THADA: variants seen among roughly 807,000 people sequenced by gnomAD.
The protein encoded by THADA is THADA armadillo repeat containing.
Under a neutral mutation model 219.8 loss-of-function variants are expected in THADA, and 213 were observed. The observed-to-expected ratio is 0.97, with a 90% CI of 0.87 to 1.09. The LOEUF (loss-of-function observed/expected upper bound fraction) is 1.09. Ranked by LOEUF, THADA falls within the 50% of genes least tolerant of loss-of-function variation. The pLI is 0.00. For synonymous variants in THADA, 1,018 were observed against 828.9 expected, an observed-to-expected ratio of 1.23 and a Z score of -3.92; for missense variants, 2,956 against 2,311.3, an observed-to-expected ratio of 1.28 and a Z score of -5.72.
intron 31 of THADA, among the ~76,000 whole-genome samples, chr2:43,294,249 T>C (rs1287667650): frequency 1.3e-5 from 2 of 152,258 alleles, no homozygotes; most frequent in Non-Finnish European, 2.9e-5. Context: ...GCTTACTATG[T>C]GCTAGGAGCT....
Position 43,577,054 on chromosome 2 carries a change from A to G in THADA, c.1005T>C (p.Asp335=). The change falls in exon 10 of 38, where the codon GAT becomes GAC. Residue 335 remains aspartate (D), a synonymous_variant. Transcript: ENST00000405975. Reference sequence around the variant, plus strand: ...TCAAGGTGAACAAAACATGTGCAGTATCCAAGAGCAGGGCCTCCCCACTCC... The same window carrying G: ...TCAAGGTGAACAAAACATGTGCAGTGTCCAAGAGCAGGGCCTCCCCACTCC... ...MGRSGEALLL[D]TAHVLFTLSS... is the part of the protein sequence containing the mutation. The G allele has an allele frequency of 2.5e-6, 4 of 1,613,436 alleles. No homozygotes were observed. The highest frequency in any genetic ancestry group is 3.4e-6 in the Non-Finnish European group (4 of 1,179,712).
At chr2:43,455,349 T>C (rs1359142129) in intron 26 of THADA, among the ~76,000 whole-genome samples, 1 of 151,974 alleles carries the variant, frequency 6.6e-6, no homozygotes, top group Non-Finnish European at 1.5e-5. Flanking sequence ...TATTACAGTA[T>C]ACCTGCTTCT....
chr2:43,313,265 G>C (rs965290325), intron 31 of THADA, among the ~76,000 whole-genome samples: 22 of 152,306 alleles, frequency 1.4e-4, no homozygotes, highest in Non-Finnish European at 2.9e-4. Context: ...ATAAATGAGA[G>C]CCTGTCTTCT....
At chr2:43,486,752 G>C (rs889895050) in intron 25 of THADA, 4 of 152,158 alleles carry the variant, frequency 2.6e-5, no homozygotes, top group Non-Finnish European at 5.9e-5. Flanking sequence ...TATAAGTCCA[G>C]TTTTGCCAGA....
chr2:43,497,607 C>T (rs2105056877), intron 25 of THADA, among the ~76,000 whole-genome samples: 1 of 152,314 alleles, frequency 6.6e-6, no homozygotes, highest in East Asian at 1.9e-4. Flanking sequence ...AGATGACAGG[C>T]TGAGCGTTAT....
intron 30 of THADA, among the ~76,000 whole-genome samples, chr2:43,321,628 A>G (rs1678724833): frequency 6.6e-6 from 1 of 152,170 alleles, no homozygotes; most frequent in African/African-American, 2.4e-5. Context: ...TCAGCCTTCC[A>G]CCATGGGATG....
chr2:43,423,558 G>A (rs1031583292), intron 28 of THADA, among the ~76,000 whole-genome samples: 1 of 151,390 alleles, frequency 6.6e-6, no homozygotes, highest in South Asian at 2.1e-4. Context: ...TTAGCCTCTC[G>A]AGTAGCTGGG....
At chr2:43,501,522 C>T (rs1382424190) in intron 24 of THADA, among the ~76,000 whole-genome samples, 1 of 151,948 alleles carries the variant, frequency 6.6e-6, no homozygotes, top group South Asian at 2.1e-4. Context: ...GTTTAACAAG[C>T]TAATTCTAAA....
intron 35 of THADA, among the ~76,000 whole-genome samples, chr2:43,280,943 C>T (rs1054238361): frequency 1.3e-4 from 20 of 152,318 alleles, no homozygotes; most frequent in African/African-American, 4.1e-4. Context: ...CTGTAACTGA[C>T]ACAGAATTCA....
intron 15 of THADA, among the ~76,000 whole-genome samples, chr2:43,560,741 G>C (rs1190903290): frequency 6.6e-6 from 1 of 152,100 alleles, no homozygotes; most frequent in Non-Finnish European, 1.5e-5. Context: ...TTCTGGCCAG[G>C]CTCAGCGGCT....
intron 35 of THADA, among the ~76,000 whole-genome samples, chr2:43,283,780 A>G (rs1673656501): frequency 6.6e-6 from 1 of 152,260 alleles, no homozygotes; most frequent in Non-Finnish European, 1.5e-5. Context: ...TGGAACTTAC[A>G]TTTAAAAGAA....
rs757994832 is a variant in THADA, at chr2:43,574,445, A to T, written c.1620T>A (p.Asp540Glu). 4 of 1,612,950 alleles carry T rather than the reference A, an allele frequency of 2.5e-6. No individual in the cohort carries two copies. In the South Asian group the frequency reaches 4.4e-5, roughly 18 times the overall value. The change falls in exon 11 of 38, where the codon GAT becomes GAA. Residue 540 changes from aspartate (D) to glutamate (E), a missense_variant. Coordinates refer to ENST00000405975, the MANE Select transcript of THADA (RefSeq NM_022065.5). ...LLFILCEGNL[D>E]QKSYVIDYYL... ...AATAATCAATCACGTAAGATTTTTGATCCAAGTTTCCTTCACACAATATAA... is the reference window on the plus strand; with the variant it reads ...AATAATCAATCACGTAAGATTTTTGTTCCAAGTTTCCTTCACACAATATAA...
chr2:43,446,511 G>A (rs536412943), intron 26 of THADA, among the ~76,000 whole-genome samples: 18 of 152,338 alleles, frequency 1.2e-4, no homozygotes, highest in African/African-American at 4.3e-4. Flanking sequence ...CCCCAGAAAT[G>A]TGAGTGTGAA....
intron 28 of THADA, among the ~76,000 whole-genome samples, chr2:43,408,702 G>A (rs760514328): frequency 2.0e-5 from 3 of 152,176 alleles, no homozygotes; most frequent in Non-Finnish European, 4.4e-5. Context: ...GCTTATTAGA[G>A]TAAATGATCT....
chr2:43,500,384 C>T (rs1688799793), intron 24 of THADA, among the ~76,000 whole-genome samples: 1 of 152,078 alleles, frequency 6.6e-6, no homozygotes, highest in Non-Finnish European at 1.5e-5. Flanking sequence ...GGTTTGTACA[C>T]TTGTCTGTAT....
At chr2:43,266,582 G>A (rs1196660757) in intron 36 of THADA, among the ~76,000 whole-genome samples, 2 of 152,098 alleles carry the variant, frequency 1.3e-5, no homozygotes, top group African/African-American at 4.8e-5. Flanking sequence ...CAGCCTGGGC[G>A]ACAAAGTGAG....
chr2:43,301,855 C>T (rs538536897), intron 31 of THADA, among the ~76,000 whole-genome samples: 4 of 152,212 alleles, frequency 2.6e-5, no homozygotes, highest in African/African-American at 9.6e-5. Flanking sequence ...TTTTCACAAT[C>T]GGGATTTTTC....
At chr2:43,232,265 G>C (rs558101671) in intron 37 of THADA, among the ~76,000 whole-genome samples, 86 of 151,382 alleles carry the variant, frequency 5.7e-4, no homozygotes, top group African/African-American at 1.9e-3. Context: ...TGCAACCTCC[G>C]CCTCCCAGGT....
chr2:43,334,632 A>G (rs7589428), intron 30 of THADA, among the ~76,000 whole-genome samples: 69,862 of 151,472 alleles, frequency 0.46, 16,504 homozygotes, highest in Middle Eastern at 0.62. Flanking sequence ...AAAATTAGCC[A>G]GGCGTGGTGG....
Sources: gnomAD v4.1 joint callset for allele counts (sites outside exome capture counted in the v4.1 genomes callset) on GRCh38, gnomAD v4.1.1 for gene constraint, MANE v1.5 for transcripts, NCBI Gene and HGNC (gene_info 2026-07-23, HGNC 2026-07-21) for gene names.